The following BORCS5 variants were observed in gnomAD, a reference collection of about 807,000 sequenced individuals.
BORCS5 encodes BLOC-1 related complex subunit 5.
Under a neutral mutation model 22.1 loss-of-function variants are expected in BORCS5, and 17 were observed. The ratio of observed to expected loss-of-function variants is 0.77; its 90% CI spans 0.53 to 1.15. BORCS5 has a LOEUF of 1.15. Among genes scored for constraint, BORCS5 ranks in the 50% most tolerant of loss-of-function variants. BORCS5 has a pLI of 0.00. For synonymous variants in BORCS5, 117 were observed against 99.8 expected, an observed-to-expected ratio of 1.17 and a Z score of -1.03; for missense variants, 247 against 253.2, an observed-to-expected ratio of 0.98 and a Z score of 0.17.
rs145541971 is a variant in BORCS5, at chr12:12,363,551, C to T, written c.202+2202C>T. Among the ~76,000 whole-genome samples the T allele has an allele frequency of 5.4e-3, 824 of 152,188 alleles. 29 individuals carry two copies. Among genetic ancestry groups the T allele is most frequent in the Admixed American group, 0.046 (702 of 15,286 alleles). ...GAGATCGAGACCATCCTGGCTAACA[C>T]GGTGAAACCCTGTCTCTACTGAAAG... On this transcript the variant is annotated intron_variant, in intron 2 of 3. Transcript: ENST00000314565.
At chr12:12,411,647 T>G (rs562796349) in intron 2 of BORCS5, among the ~76,000 whole-genome samples, 4 of 152,314 alleles carry the variant, frequency 2.6e-5, no homozygotes, top group African/African-American at 9.6e-5. Flanking sequence ...TTGTTGCCAG[T>G]GCCTTTGGTG....
At chr12:12,361,652 A>G (rs752317683) in intron 2 of BORCS5, among the ~76,000 whole-genome samples, 11 of 152,092 alleles carry the variant, frequency 7.2e-5, no homozygotes, top group Non-Finnish European at 1.5e-4. Flanking sequence ...CTCACTGTTG[A>G]ATTCCCAGCA....
intron 2 of BORCS5, among the ~76,000 whole-genome samples, chr12:12,427,172 C>CTTTTCT (rs1942307160): frequency 2.4e-5 from 2 of 84,488 alleles, no homozygotes; most frequent in East Asian, 6.8e-4. Flanking sequence ...TCTTTCTTTT[C>CTTTTCT]TTTTTTTTTT....
chr12:12,381,596 A>G (rs1223981430), intron 2 of BORCS5, among the ~76,000 whole-genome samples: 1 of 151,496 alleles, frequency 6.6e-6, no homozygotes, highest in Non-Finnish European at 1.5e-5. Flanking sequence ...TGTTGTATCT[A>G]AAAAGTCATC....
chr12:12,432,717 A>G (rs1942459558), intron 2 of BORCS5, among the ~76,000 whole-genome samples: 1 of 152,236 alleles, frequency 6.6e-6, no homozygotes, highest in Admixed American at 6.5e-5. Flanking sequence ...CCATTGATAT[A>G]TCAACAACAT....
intron 2 of BORCS5, among the ~76,000 whole-genome samples, chr12:12,392,045 CAAAA>C (rs61408318): frequency 6.0e-5 from 4 of 66,856 alleles, no homozygotes; most frequent in African/African-American, 1.8e-4. Context: ...GACTTCATTT[CAAAA>C]AAAAAAAAAA....
chr12:12,366,956 G>A (rs1300584999), intron 2 of BORCS5, among the ~76,000 whole-genome samples: 1 of 152,196 alleles, frequency 6.6e-6, no homozygotes, highest in Non-Finnish European at 1.5e-5. Flanking sequence ...TAATAACAAG[G>A]ATGATCAAAC....
At chr12:12,433,041 G>T (rs780068571) in intron 2 of BORCS5, among the ~76,000 whole-genome samples, 5 of 151,986 alleles carry the variant, frequency 3.3e-5, no homozygotes, top group Non-Finnish European at 7.4e-5. Context: ...CAAATAAAAT[G>T]AGGAAATCTG....
chr12:12,425,674 T>G (rs1439381659), intron 2 of BORCS5, among the ~76,000 whole-genome samples: 1 of 152,242 alleles, frequency 6.6e-6, no homozygotes, highest in East Asian at 1.9e-4. Context: ...TTTGCCCAAT[T>G]GTGTGGTTTG....
rs1942423258 is a variant in BORCS5 at position 12,431,436 on chromosome 12, C to A, written c.203-4192C>A. ...TTTTTTTTTTTGAGACGGAGTCTTG[C>A]TCTGTCGGCAGGCTGGAGTGTGGTG... On this transcript the variant is annotated intron_variant, in intron 2 of 3. Coordinates refer to ENST00000314565, the MANE Select transcript of BORCS5 (RefSeq NM_058169.6). 2.4e-5 allele frequency among the ~76,000 whole-genome samples: 3 copies of A among 123,036 alleles called. No individual in the cohort carries two copies. The Admixed American group carries it at 3.0e-4, about 12-fold the overall frequency. The allele number at this position is 123,036 out of a possible 152,430, so 80.7% of individuals were successfully genotyped here.
chr12:12,409,977 C>T (rs2136084103), intron 2 of BORCS5, among the ~76,000 whole-genome samples: 1 of 152,288 alleles, frequency 6.6e-6, no homozygotes, highest in South Asian at 2.1e-4. Flanking sequence ...TCTCTGATGG[C>T]CAGTGATGAT....
At position 12,468,687 on chromosome 12, in the gene BORCS5, A is replaced by G. The variant is rs1207785861; in HGVS notation, c.*2911A>G. ...GGTGCAGCTGCTTTTCTTCCTTTTAATTATAAATTAGCTGTTCATTGGCTG... is the reference window on the plus strand; with the variant it reads ...GGTGCAGCTGCTTTTCTTCCTTTTAGTTATAAATTAGCTGTTCATTGGCTG... On this transcript the variant is annotated 3_prime_UTR_variant, in exon 4 of 4. Transcript: ENST00000314565. 1 of 152,114 alleles carries G rather than the reference A, an allele frequency of 6.6e-6. No individual in the cohort carries two copies. Among genetic ancestry groups the G allele is most frequent in the South Asian group, 2.1e-4 (1 of 4,820 alleles). 9.4% of individuals were successfully genotyped at this position (152,114 alleles called of 1,614,324 possible). A position where few individuals can be genotyped will look rare whatever the true frequency, so the allele number is the denominator to read the frequency against.
intron 2 of BORCS5, among the ~76,000 whole-genome samples, chr12:12,390,387 T>A (rs751437253): frequency 6.6e-6 from 1 of 152,138 alleles, no homozygotes; most frequent in Non-Finnish European, 1.5e-5. Context: ...GGAGGTAATA[T>A]ATTTGAAGTG....
At chr12:12,440,662 A>T (rs1418178243) in intron 3 of BORCS5, among the ~76,000 whole-genome samples, 2 of 151,316 alleles carry the variant, frequency 1.3e-5, no homozygotes, top group Non-Finnish European at 2.9e-5. Flanking sequence ...GCATTGCTGC[A>T]GGGGAACAGC....
chr12:12,469,242 G>A lies in BORCS5; in HGVS notation c.*3466G>A, dbSNP rs549873512. ...ATGGTGGCTGGTGCCTGTAATCCCC[G>A]CTACTTGGGAGGCCAAGGTGGGAGA... On this transcript the variant is annotated 3_prime_UTR_variant, in exon 4 of 4. Transcript: ENST00000314565. 3.3e-5 allele frequency: 5 copies of A among 152,394 alleles called. No individual in the cohort carries two copies. Among genetic ancestry groups the A allele is most frequent in the South Asian group, 2.1e-4 (1 of 4,828 alleles). The allele number at this position is 152,394 out of a possible 1,614,324, so 9.4% of individuals were successfully genotyped here.
intron 3 of BORCS5, chr12:12,452,349 C>A (rs1253050044): frequency 4.4e-6 from 3 of 685,792 alleles, no homozygotes; most frequent in Middle Eastern, 4.1e-4. Context: ...TGAACCGTGT[C>A]TACATGGAAA....
intron 2 of BORCS5, among the ~76,000 whole-genome samples, chr12:12,421,128 G>A (rs1303312608): frequency 6.6e-5 from 10 of 152,130 alleles, no homozygotes; most frequent in African/African-American, 1.7e-4. Context: ...GTCTTGTGCC[G>A]ATTTTCAAAG....
intron 3 of BORCS5, 156 bp downstream of exon 3, chr12:12,435,941 G>C: frequency 1.5e-6 from 1 of 682,042 alleles, no homozygotes; most frequent in Non-Finnish European, 2.3e-6. Flanking sequence ...GGTCCACAGA[G>C]CTGGGCTAAT....
In BORCS5 at chr12:12,386,151, C is replaced by A. The variant is rs140099056; in HGVS notation, c.202+24802C>A. ...GAGTAGCTGCAATTACAGGTGTGTGCCACCATGCCTGGCTAATTTTTGTAT... is the reference window on the plus strand; with the variant it reads ...GAGTAGCTGCAATTACAGGTGTGTGACACCATGCCTGGCTAATTTTTGTAT... On this transcript the variant is annotated intron_variant, in intron 2 of 3. Coordinates refer to ENST00000314565, the MANE Select transcript of BORCS5 (RefSeq NM_058169.6). Among the ~76,000 whole-genome samples, 194 of 150,848 alleles carry A rather than the reference C, an allele frequency of 1.3e-3. 4 individuals are homozygous for A. In the East Asian group the frequency reaches 0.028, roughly 21 times the overall value.
Sources: allele counts gnomAD v4.1 joint callset (sites outside exome capture counted in the v4.1 genomes callset), GRCh38; gene constraint gnomAD v4.1.1; transcripts MANE v1.5; gene names NCBI Gene and HGNC (gene_info 2026-07-23, HGNC 2026-07-21).